Variants in COMMD10 observed in about 807,000 individuals in gnomAD.
COMMD10 encodes the protein COMM domain containing 10, also known as COMM domain-containing protein 10.
A neutral mutation model predicts 28.9 loss-of-function variants in COMMD10; 33 were observed. The ratio of observed to expected loss-of-function variants is 1.14; its 90% CI spans 0.87 to 1.53. The LOEUF is 1.53. COMMD10 is among the 40% of genes most tolerant of loss of function. The pLI, the probability that COMMD10 is intolerant of heterozygous loss-of-function variation, is 0.00. For missense variants in COMMD10, 310 were observed against 233.4 expected (o/e 1.33, Z -2.14); for synonymous variants, 110 against 81.7 (o/e 1.35, Z -1.87).
At chr5:116,268,004 A>G (rs1338791003) in intron 5 of COMMD10, among the ~76,000 whole-genome samples, 3 of 151,806 alleles carry the variant, frequency 2.0e-5, no homozygotes, top group Middle Eastern at 3.2e-3. Context: ...CCCTAGAAGA[A>G]AACCTAGGCA....
chr5:116,136,402 T>G lies in COMMD10; in HGVS notation c.510+2224T>G, dbSNP rs562991932. Among the ~76,000 whole-genome samples, 57 of 152,332 alleles carry G rather than the reference T, an allele frequency of 3.7e-4. 1 individual carries two copies. Among genetic ancestry groups the G allele is most frequent in the South Asian group, 3.5e-3 (17 of 4,826 alleles). ...AGCTATATACTTCCTTTGTTTTATTTTTCGTGACTACCTAATGTTAAGTCT... is the reference window on the plus strand; with the variant it reads ...AGCTATATACTTCCTTTGTTTTATTGTTCGTGACTACCTAATGTTAAGTCT... On this transcript the variant is annotated intron_variant, in intron 5 of 6. Coordinates refer to ENST00000274458, the MANE Select transcript of COMMD10 (RefSeq NM_016144.4).
chr5:116,260,277 G>A (rs1346209581), intron 5 of COMMD10, among the ~76,000 whole-genome samples: 1 of 151,464 alleles, frequency 6.6e-6, no homozygotes. Context: ...AATTTAGAAA[G>A]GACATTTATT....
intron 5 of COMMD10, among the ~76,000 whole-genome samples, chr5:116,269,354 C>G (rs1750693717): frequency 1.3e-5 from 2 of 151,814 alleles, no homozygotes; most frequent in Non-Finnish European, 2.9e-5. Flanking sequence ...CCCACCAAAC[C>G]TGTGATTTCC....
At chr5:116,288,063 C>T (rs1407156169) in intron 5 of COMMD10, among the ~76,000 whole-genome samples, 1 of 151,702 alleles carries the variant, frequency 6.6e-6, no homozygotes, top group African/African-American at 2.4e-5. Context: ...TTTTTGCCTG[C>T]TGTCCTTTCA....
chr5:116,255,390 G>T (rs1418293618), intron 5 of COMMD10, among the ~76,000 whole-genome samples: 4 of 151,640 alleles, frequency 2.6e-5, no homozygotes, highest in Non-Finnish European at 4.4e-5. Context: ...TTTCTTCCTA[G>T]TCTTGATGGT....
At chr5:116,254,402 T>TGAGCAG (rs1750217055) in intron 5 of COMMD10, among the ~76,000 whole-genome samples, 3 of 151,910 alleles carry the variant, frequency 2.0e-5, no homozygotes, top group African/African-American at 7.3e-5. Context: ...GGTGTTAATT[T>TGAGCAG]TGGATCTTTC....
intron 5 of COMMD10, among the ~76,000 whole-genome samples, chr5:116,239,794 G>C (rs1749766847): frequency 6.6e-6 from 1 of 152,182 alleles, no homozygotes; most frequent in Admixed American, 6.5e-5. Context: ...GGGTGCTCCT[G>C]TTCTCGCAGA....
At chr5:116,255,064 G>T (rs1392115754) in intron 5 of COMMD10, among the ~76,000 whole-genome samples, 1 of 151,580 alleles carries the variant, frequency 6.6e-6, no homozygotes. Context: ...GGCCTTCTTT[G>T]TCTCTTTTGA....
At chr5:116,110,765 G>A (rs1010805218) in intron 4 of COMMD10, among the ~76,000 whole-genome samples, 5 of 152,156 alleles carry the variant, frequency 3.3e-5, no homozygotes, top group Non-Finnish European at 4.4e-5. Context: ...TGAAGGGGGA[G>A]CAAACCCATC....
At chr5:116,220,526 G>A (rs1749222886) in intron 5 of COMMD10, among the ~76,000 whole-genome samples, 1 of 152,080 alleles carries the variant, frequency 6.6e-6, no homozygotes, top group Non-Finnish European at 1.5e-5. Flanking sequence ...GAGTTTCTGA[G>A]GTTGGTAGCC....
intron 2 of COMMD10, among the ~76,000 whole-genome samples, chr5:116,089,610 A>G (rs895603890): frequency 6.6e-6 from 1 of 152,218 alleles, no homozygotes; most frequent in African/African-American, 2.4e-5. Flanking sequence ...GAGAATAGTT[A>G]GTATCTATCT....
chr5:116,126,582 G>T (rs1751650450), intron 4 of COMMD10, among the ~76,000 whole-genome samples: 3 of 151,324 alleles, frequency 2.0e-5, no homozygotes, highest in Admixed American at 2.0e-4. Context: ...CAGAGATATA[G>T]ACCAATGGAA....
chr5:116,125,497 T>A (rs1425782774), intron 4 of COMMD10, among the ~76,000 whole-genome samples: 1 of 152,166 alleles, frequency 6.6e-6, no homozygotes, highest in African/African-American at 2.4e-5. Context: ...TTCCTTTGTT[T>A]CAACTCTGGT....
chr5:116,097,853 G>A (rs1750517689), intron 4 of COMMD10, among the ~76,000 whole-genome samples: 1 of 151,980 alleles, frequency 6.6e-6, no homozygotes, highest in Non-Finnish European at 1.5e-5. Flanking sequence ...GAACAAGCAG[G>A]TCTTGCGAGA....
At chr5:116,138,768 A>G (rs1330804841) in intron 5 of COMMD10, among the ~76,000 whole-genome samples, 4 of 151,740 alleles carry the variant, frequency 2.6e-5, no homozygotes, top group Non-Finnish European at 3.0e-5. Flanking sequence ...TGGGGCTTCT[A>G]ATACTAGTTT....
intron 5 of COMMD10, among the ~76,000 whole-genome samples, chr5:116,165,288 G>A (rs1753052256): frequency 6.6e-6 from 1 of 152,106 alleles, no homozygotes; most frequent in Non-Finnish European, 1.5e-5. Flanking sequence ...TGCTTTGCTT[G>A]AAACACAGCT....
intron 5 of COMMD10, among the ~76,000 whole-genome samples, chr5:116,232,916 A>T (rs1749564716): frequency 1.3e-5 from 2 of 152,188 alleles, no homozygotes; most frequent in Admixed American, 1.3e-4. Flanking sequence ...GGTCACACAA[A>T]TGACATTTAA....
intron 5 of COMMD10, among the ~76,000 whole-genome samples, chr5:116,251,122 A>G (rs1006723249): frequency 6.6e-6 from 1 of 151,886 alleles, no homozygotes; most frequent in Non-Finnish European, 1.5e-5. Context: ...ACCTGTTTTT[A>G]TTATTATGCT....
At chr5:116,247,799 CTG>C (rs1749992716) in intron 5 of COMMD10, among the ~76,000 whole-genome samples, 1 of 151,850 alleles carries the variant, frequency 6.6e-6, no homozygotes, top group African/African-American at 2.4e-5. Context: ...AACACAAACT[CTG>C]GGGTCTATTG....
Sources: allele counts gnomAD v4.1 joint callset (sites outside exome capture counted in the v4.1 genomes callset), GRCh38; gene constraint gnomAD v4.1.1; transcripts MANE v1.5; gene names NCBI Gene and HGNC (gene_info 2026-07-23, HGNC 2026-07-21).